PCLO: variants seen among roughly 807,000 people sequenced by gnomAD.
PCLO encodes the protein protein piccolo.
A neutral mutation model predicts 427.5 loss-of-function variants in PCLO; 82 were observed. The ratio of observed to expected loss-of-function variants is 0.19; its 90% CI spans 0.16 to 0.23. The LOEUF is 0.23. PCLO is among the 10% of genes least tolerant of loss of function. The pLI is 1.00. For missense variants in PCLO, 6,239 were observed against 6,115.9 expected, an observed-to-expected ratio of 1.02 and a Z score of -0.67; for synonymous variants, 2,357 against 2,155.4, an observed-to-expected ratio of 1.09 and a Z score of -2.59.
intron 10 of PCLO, chr7:82,868,078 G>C: frequency 1.5e-5 from 7 of 455,136 alleles, no homozygotes; most frequent in South Asian, 1.1e-4. Flanking sequence ...GGAATTTTGA[G>C]AAATCTCATG....
At chr7:82,897,811 GA>G (rs968032220) in intron 9 of PCLO, among the ~76,000 whole-genome samples, 2 of 150,814 alleles carry the variant, frequency 1.3e-5, no homozygotes, top group African/African-American at 4.9e-5. Flanking sequence ...TTTCCTTTTC[GA>G]AAAAAACATT....
chr7:82,765,174 C>A (rs1404214367), intron 22 of PCLO, among the ~76,000 whole-genome samples: 2 of 151,526 alleles, frequency 1.3e-5, no homozygotes, highest in African/African-American at 4.8e-5. Flanking sequence ...GGTAATAAAA[C>A]ACTATATATC....
In PCLO at chr7:82,915,216, C is replaced by T. The variant is rs867999447; in HGVS notation, c.12770G>A (p.Gly4257Glu). 1 of 1,612,828 alleles carries T rather than the reference C, an allele frequency of 6.2e-7. No individual in the cohort carries two copies. Among genetic ancestry groups the T allele is most frequent in the East Asian group, 2.2e-5 (1 of 44,648 alleles). ...KNITDQQKFM[G>E]SSLGTGLGTL... ...GCCCAGTCCTGTGCCAAGAGAAGAT[C>T]CCATAAATTTTTGTTGGTCTGTAAT... Residue 4257 changes from glycine (G) to glutamate (E), a missense_variant, in exon 7 of 25, where the codon GGA (glycine) becomes GAA (glutamate). By Grantham distance (98) the Gly-to-Glu change is moderately conservative. Coordinates refer to ENST00000333891, the MANE Select transcript of PCLO (RefSeq NM_033026.6).
chr7:83,033,320 T>C (rs1010295000), intron 3 of PCLO, among the ~76,000 whole-genome samples: 4 of 152,310 alleles, frequency 2.6e-5, no homozygotes, highest in African/African-American at 9.6e-5. Flanking sequence ...TACTTTCTTA[T>C]CTAAAAATGA....
At chr7:83,077,535 T>C (rs937512047) in intron 3 of PCLO, among the ~76,000 whole-genome samples, 2 of 152,096 alleles carry the variant, frequency 1.3e-5, no homozygotes, top group Admixed American at 6.5e-5. Context: ...CCAGACTTCA[T>C]GCCAAGTTTA....
rs112551995 is a variant in PCLO, at chr7:83,009,236, A to G, written c.3301-42749T>C. The stretch of plus-strand genomic sequence containing the variant: ...TATTATGTAATATCTGAACATTTTT[A>G]GAGATAAATAATTTCACTAGTACCA... On this transcript the variant is annotated intron_variant, in intron 3 of 24. Transcript: ENST00000333891. 8.3e-3 allele frequency among the ~76,000 whole-genome samples: 1,267 copies of G among 152,004 alleles called. 13 individuals are homozygous for G. Among genetic ancestry groups the G allele is most frequent in the African/African-American group, 0.029 (1,198 of 41,530 alleles).
rs1792481229 is a variant in PCLO at position 83,162,742 on chromosome 7, G to A, written c.-150C>T. The A allele has an allele frequency of 5.0e-6, 5 of 1,007,556 alleles. No homozygotes were observed. The highest frequency in any genetic ancestry group is 7.0e-6 in the Non-Finnish European group (5 of 712,570). 62.4% of individuals were successfully genotyped at this position (1,007,556 alleles called of 1,614,324 possible). On this transcript the variant is annotated 5_prime_UTR_variant, in exon 1 of 25. Coordinates refer to ENST00000333891, the MANE Select transcript of PCLO (RefSeq NM_033026.6). ...GACTCTGGACCAGGCACTGCCGCCC[G>A]GAACGCCAGGCAGGGGTTAGTCCCG...
At chr7:82,939,546 A>AT (rs958352299) in intron 6 of PCLO, among the ~76,000 whole-genome samples, 6 of 150,962 alleles carry the variant, frequency 4.0e-5, no homozygotes, top group African/African-American at 9.7e-5. Flanking sequence ...AAATATATGT[A>AT]TTTTTTTCCC....
At chr7:83,156,736 A>T (rs1035246104) in intron 1 of PCLO, among the ~76,000 whole-genome samples, 1 of 152,008 alleles carries the variant, frequency 6.6e-6, no homozygotes, top group African/African-American at 2.4e-5. Flanking sequence ...ATATAGGTTT[A>T]AATTAAAACC....
intron 3 of PCLO, among the ~76,000 whole-genome samples, chr7:83,019,209 G>A (rs1788281574): frequency 6.6e-6 from 1 of 152,016 alleles, no homozygotes; most frequent in Non-Finnish European, 1.5e-5. Flanking sequence ...CCCTCAATAT[G>A]TGTGTCTTGC....
Position 82,955,705 on chromosome 7 carries a change from C to CT in PCLO, c.5247dup (p.Gly1750ArgfsTer22), listed in dbSNP as rs761208405. The CT allele has an allele frequency of 6.2e-7, 1 of 1,613,922 alleles. No individual in the cohort carries two copies. The highest frequency in any genetic ancestry group is 8.5e-7 in the Non-Finnish European group (1 of 1,179,862). Reference sequence around the variant, plus strand: ...GCTTTGCGTTGCTGTTTGCTCTCTCCTTTTTTGTGACTCGGGCTACTGTCA... The same window carrying CT: ...GCTTTGCGTTGCTGTTTGCTCTCTCCTTTTTTTGTGACTCGGGCTACTGTCA... On this transcript the variant is annotated frameshift_variant, in exon 5 of 25. Transcript: ENST00000333891. LOFTEE classifies it high-confidence loss of function.
At chr7:83,054,932 T>G (rs1238593888) in intron 3 of PCLO, among the ~76,000 whole-genome samples, 1 of 152,080 alleles carries the variant, frequency 6.6e-6, no homozygotes, top group African/African-American at 2.4e-5. Flanking sequence ...TTTCTTAACT[T>G]TTCCTCCATT....
Position 82,953,427 on chromosome 7 carries a change from G to A in PCLO, c.7526C>T (p.Pro2509Leu). 6.2e-7 allele frequency: 1 copy of A among 1,613,624 alleles called. No individual in the cohort carries two copies. Among genetic ancestry groups the A allele is most frequent in the Non-Finnish European group, 8.5e-7 (1 of 1,179,828 alleles). Residue 2509 changes from proline (P) to leucine (L), a missense_variant, in exon 5 of 25, where the codon CCA becomes CTA. Coordinates refer to ENST00000333891, the MANE Select transcript of PCLO (RefSeq NM_033026.6). ...FTHRPEPSKP[P>L]IAPKPVIPQL... ...AGGAATCACTGGTTTGGGGGCGATTGGAGGTTTGCTTGGCTCAGGCCTGTG... is the reference window on the plus strand; with the variant it reads ...AGGAATCACTGGTTTGGGGGCGATTAGAGGTTTGCTTGGCTCAGGCCTGTG...
At chr7:82,995,718 T>C (rs1432108003) in intron 3 of PCLO, among the ~76,000 whole-genome samples, 2 of 151,994 alleles carry the variant, frequency 1.3e-5, no homozygotes, top group Non-Finnish European at 2.9e-5. Flanking sequence ...GTTACCCATT[T>C]TTTTCTGTGT....
intron 3 of PCLO, among the ~76,000 whole-genome samples, chr7:83,076,040 G>C (rs1476245984): frequency 6.6e-6 from 1 of 151,220 alleles, no homozygotes; most frequent in Non-Finnish European, 1.5e-5. Flanking sequence ...TTGATGGCTA[G>C]TAATGCTTTG....
At chr7:83,032,998 A>G (rs1788709419) in intron 3 of PCLO, among the ~76,000 whole-genome samples, 1 of 151,994 alleles carries the variant, frequency 6.6e-6, no homozygotes, top group Admixed American at 6.6e-5. Flanking sequence ...TGTGATAGTG[A>G]GGGAGTTCTG....
chr7:82,794,450 A>ATTTTTTTCTGTTTTTTTTTTTTTT (rs1791172788), intron 22 of PCLO, among the ~76,000 whole-genome samples: 1 of 62,030 alleles, frequency 1.6e-5, no homozygotes, highest in African/African-American at 4.1e-5. Context: ...TAGTTCATAA[A>ATTTTTTTCTGTTTTTTTTTTTTTT]TTTTTTTTCT....
In PCLO at chr7:82,965,279, C is replaced by T. The variant is rs547012729; in HGVS notation, c.4017+492G>A. On this transcript the variant is annotated intron_variant, in intron 4 of 24. Coordinates refer to ENST00000333891, the MANE Select transcript of PCLO (RefSeq NM_033026.6). Reference sequence around the variant, plus strand: ...TGACTTTTGCTTTGGATTTTAGTTACGTCATTTTTTTTTCCTTTTTTCTTT... The same window carrying T: ...TGACTTTTGCTTTGGATTTTAGTTATGTCATTTTTTTTTCCTTTTTTCTTT... Among the ~76,000 whole-genome samples, 975 of 131,854 alleles carry T rather than the reference C, an allele frequency of 7.4e-3. 15 individuals are homozygous for T. Among genetic ancestry groups the T allele is most frequent in the African/African-American group, 0.022 (902 of 40,188 alleles). The allele number at this position is 131,854 out of a possible 152,430, so 86.5% of individuals were successfully genotyped here. A position where few individuals can be genotyped will look rare whatever the true frequency, so the allele number is the denominator to read the frequency against.
intron 3 of PCLO, among the ~76,000 whole-genome samples, chr7:82,977,013 C>T (rs1454041550): frequency 2.6e-5 from 4 of 152,098 alleles, no homozygotes; most frequent in African/African-American, 7.2e-5. Flanking sequence ...AGCCACCACA[C>T]TTGGACTAAA....
Sources: gnomAD v4.1 joint callset for allele counts (sites outside exome capture counted in the v4.1 genomes callset) on GRCh38, gnomAD v4.1.1 for gene constraint, MANE v1.5 for transcripts, NCBI Gene and HGNC (gene_info 2026-07-23, HGNC 2026-07-21) for gene names.